The following MYO7B variants were observed in gnomAD, a reference collection of about 807,000 sequenced individuals.
The protein encoded by MYO7B is unconventional myosin-VIIb.
Under a neutral mutation model 259.7 loss-of-function variants are expected in MYO7B, and 212 were observed. That is an observed-to-expected ratio of 0.82 (90% confidence interval 0.73 to 0.91). The LOEUF (loss-of-function observed/expected upper bound fraction) is 0.91. Ranked by LOEUF, MYO7B falls within the 40% of genes least tolerant of loss-of-function variation. MYO7B has a pLI of 0.00. For synonymous variants in MYO7B, 1,197 were observed against 1,166.4 expected (o/e 1.03, Z -0.54); for missense variants, 2,732 against 2,813.5 (o/e 0.97, Z 0.66).
chr2:127,588,652 C>T, intron 15 of MYO7B, 97 bp downstream of exon 15: 1 of 1,469,196 alleles, frequency 6.8e-7, no homozygotes, highest in Non-Finnish European at 9.3e-7. Flanking sequence ...CCTCTGGGTC[C>T]ACAGCATGCA....
In MYO7B at chr2:127,637,300, C is replaced by CACT. The variant is rs59579995; in HGVS notation, c.6328-16_6328-15insACT. On this transcript the variant is annotated splice_polypyrimidine_tract_variant and intron_variant, in intron 47 of 47. Transcript: ENST00000409816. The stretch of plus-strand genomic sequence containing the variant: ...CTCTGCACCCACAGCCTCTGACCCC[C>CACT]CCGTCCCCTGTCCAGGGCTATAAGA... 6.5e-7 allele frequency: 1 copy of CACT among 1,540,558 alleles called. No homozygotes were observed. The highest frequency in any genetic ancestry group is 1.9e-5 in the Admixed American group (1 of 51,764).
At chr2:127,552,411 A>C (rs949254589) in intron 1 of MYO7B, among the ~76,000 whole-genome samples, 1 of 152,092 alleles carries the variant, frequency 6.6e-6, no homozygotes, top group South Asian at 2.1e-4. Context: ...CAAGTTGCTC[A>C]TGGGACCCAG....
At chr2:127,538,955 A>G (rs1692899896) in intron 1 of MYO7B, among the ~76,000 whole-genome samples, 1 of 152,200 alleles carries the variant, frequency 6.6e-6, no homozygotes, top group Admixed American at 6.5e-5. Flanking sequence ...CAAATGGAGT[A>G]GCATCACTTA....
intron 30 of MYO7B, 118 bp downstream of exon 30, chr2:127,624,438 C>A: frequency 1.1e-6 from 1 of 893,254 alleles, no homozygotes; most frequent in Non-Finnish European, 1.7e-6. Context: ...GAAAGGGGGT[C>A]ACAAGGGTGT....
chr2:127,595,156 T>A (rs1679712089), intron 18 of MYO7B, among the ~76,000 whole-genome samples: 1 of 152,268 alleles, frequency 6.6e-6, no homozygotes, highest in Non-Finnish European at 1.5e-5. Context: ...AACTTGTTAC[T>A]GATCTATTCA....
In MYO7B at chr2:127,555,343, T is replaced by C. The variant is rs964086248; in HGVS notation, c.-23-4357T>C. On this transcript the variant is annotated intron_variant, in intron 1 of 47. Transcript: ENST00000409816. ...CTTTTCAAAAAACCACCTTTTTGTT[T>C]CATTTATCTTTTGTGGGTTTTTGTT... Among the ~76,000 whole-genome samples the C allele has an allele frequency of 1.1e-4, 16 of 152,356 alleles. No individual in the cohort carries two copies. In the East Asian group the frequency reaches 3.1e-3, roughly 29 times the overall value.
rs1309259814 is a variant in MYO7B at position 127,596,549 on chromosome 2, A to G, written c.2332A>G (p.Arg778Gly). Reference protein sequence around the residue: ...LSIQKVLRGYRYRKEFLRQRR... With the variant: ...LSIQKVLRGYGYRKEFLRQRR... Reference sequence around the variant, plus strand: ...CATCCAGAAAGTCCTTCGGGGCTACAGATACAGGTGCCGGCCCCACCCCAA... The same window carrying G: ...CATCCAGAAAGTCCTTCGGGGCTACGGATACAGGTGCCGGCCCCACCCCAA... Residue 778 changes from arginine to glycine, a missense_variant, in exon 19 of 48, where the codon AGA becomes GGA. Around this residue, in one of 3 missense-constraint regions of MYO7B, gnomAD observed 1,906 missense variants for 2,026.4 expected, o/e 0.94. Coordinates refer to ENST00000409816, the MANE Select transcript of MYO7B (RefSeq NM_001393586.1). 1.2e-6 allele frequency: 2 copies of G among 1,611,402 alleles called. No individual in the cohort carries two copies. The highest frequency in any genetic ancestry group is 8.5e-7 in the Non-Finnish European group (1 of 1,178,902).
chr2:127,612,026 T>C (rs1680404839), intron 24 of MYO7B, among the ~76,000 whole-genome samples: 1 of 152,070 alleles, frequency 6.6e-6, no homozygotes, highest in Non-Finnish European at 1.5e-5. Flanking sequence ...TCTCTTGCCT[T>C]CCCTGAGCCT....
At chr2:127,579,730 G>C (rs1679025490) in intron 9 of MYO7B, among the ~76,000 whole-genome samples, 1 of 151,984 alleles carries the variant, frequency 6.6e-6, no homozygotes, top group Non-Finnish European at 1.5e-5. Flanking sequence ...GGATTACAGG[G>C]GTCTGCCACC....
At chr2:127,633,841 T>A (rs1460127355) in intron 40 of MYO7B, among the ~76,000 whole-genome samples, 2 of 151,458 alleles carry the variant, frequency 1.3e-5, no homozygotes, top group African/African-American at 4.8e-5. Flanking sequence ...GAGGCCAAAG[T>A]GGGCAGTGTC....
chr2:127,595,364 TC>T (rs1357288782), intron 18 of MYO7B, among the ~76,000 whole-genome samples: 1 of 152,182 alleles, frequency 6.6e-6, no homozygotes, highest in African/African-American at 2.4e-5. Context: ...TCTCTTTTCT[TC>T]TTTTTTAGTC....
At chr2:127,555,172 C>A (rs1199761801) in intron 1 of MYO7B, among the ~76,000 whole-genome samples, 1 of 152,072 alleles carries the variant, frequency 6.6e-6, no homozygotes, top group Non-Finnish European at 1.5e-5. Flanking sequence ...TGGTCTTGAA[C>A]CCCTGACCTC....
rs1192567681 is a variant in MYO7B, at chr2:127,564,330, C to T, written c.132+64C>T. The T allele has an allele frequency of 3.0e-6, 4 of 1,322,286 alleles. No individual in the cohort carries two copies. In the East Asian group the frequency reaches 1.1e-4, roughly 35 times the overall value. 81.9% of individuals were successfully genotyped at this position (1,322,286 alleles called of 1,614,324 possible). On this transcript the variant is annotated intron_variant, in intron 3 of 47. Transcript: ENST00000409816. ...CTCACATCCAGGGCCCTGGAGCCCT[C>T]CCCGCCCTGTGGAGCCTCTCCCCAA...
In MYO7B at chr2:127,576,808, T is replaced by C. The variant is rs1573643446; in HGVS notation, c.849+100T>C. On this transcript the variant is annotated intron_variant, in intron 8 of 47. Transcript: ENST00000409816. The surrounding 1 kb of genome is among the most constrained non-coding windows in gnomAD (Gnocchi z 4.9). ...CGACAGCTGCAGAGAAGCCCAACGC[T>C]GGCCGGGCCCCTGAGGCGGGGCTGG... The C allele has an allele frequency of 1.5e-4, 119 of 817,912 alleles. No homozygotes were observed. The East Asian group carries it at 3.4e-3, about 23-fold the overall frequency. 50.7% of individuals were successfully genotyped at this position (817,912 alleles called of 1,614,324 possible). A position where few individuals can be genotyped will look rare whatever the true frequency, so the allele number is the denominator to read the frequency against.
chr2:127,565,480 C>T (rs943139287), intron 4 of MYO7B, 95 bp downstream of exon 4: 355 of 1,496,374 alleles, frequency 2.4e-4, no homozygotes, highest in Non-Finnish European at 3.2e-4. Flanking sequence ...GGGCACTGCC[C>T]CCCATGCCCT....
intron 5 of MYO7B, 123 bp downstream of exon 5, chr2:127,566,950 G>A: frequency 9.9e-7 from 1 of 1,013,402 alleles, no homozygotes; most frequent in Non-Finnish European, 1.4e-6. Context: ...CATCTCCACA[G>A]CACACAACGG....
chr2:127,536,111 C>T (rs1214074598), intron 1 of MYO7B, among the ~76,000 whole-genome samples: 4 of 152,134 alleles, frequency 2.6e-5, no homozygotes, highest in East Asian at 1.9e-4. Context: ...AGGAGGGGAA[C>T]GGCAGGTGCC....
Position 127,597,028 on chromosome 2 carries a change from G to T in MYO7B, c.2339+472G>T, listed in dbSNP as rs1679797513. ...CTGGGTTCCTGAGCCACCATAGCAA[G>T]GGCTGGAAACCCAGGCATGAGAAAG... On this transcript the variant is annotated intron_variant, in intron 19 of 47. Coordinates refer to ENST00000409816, the MANE Select transcript of MYO7B (RefSeq NM_001393586.1). This position sits in a 1 kb window ranked among gnomAD's most constrained non-coding sequence, Gnocchi z 4.8. Among the ~76,000 whole-genome samples, 1 of 152,250 alleles carries T rather than the reference G, an allele frequency of 6.6e-6. No individual in the cohort carries two copies.
In MYO7B at chr2:127,634,611, G is replaced by A. The variant is rs773102641; in HGVS notation, c.5641G>A (p.Glu1881Lys). 6.8e-6 allele frequency: 11 copies of A among 1,612,492 alleles called. No homozygotes were observed. The highest frequency in any genetic ancestry group is 9.3e-6 in the Non-Finnish European group (11 of 1,179,298). Residue 1881 changes from glutamate to lysine, a missense_variant, in exon 42 of 48, where the codon GAG (glutamate) becomes AAG (lysine). This residue lies in a region of MYO7B where 821 missense variants were observed against 769.3 expected (regional missense o/e 1.07). Transcript: ENST00000409816. ...CCTTCCCCAGGTCATCAGCCAGAAG[G>A]AGGGAGACTTCTTCTTTGATTCCTT... is the stretch of plus-strand genomic sequence containing the variant. The part of the protein sequence containing the change: ...KISDKVISQK[E>K]GDFFFDSLRE...
Sources: allele counts gnomAD v4.1 joint callset (sites outside exome capture counted in the v4.1 genomes callset), GRCh38; gene constraint gnomAD v4.1.1; regional missense constraint gnomAD v4.1.1; non-coding constraint Gnocchi (gnomAD v3.1); transcripts MANE v1.5; gene names NCBI Gene and HGNC (gene_info 2026-07-23, HGNC 2026-07-21).